Variants in TRAPPC9 observed in about 807,000 individuals in gnomAD.
TRAPPC9 encodes the protein IKK2 binding protein.
Under a neutral mutation model 124.0 loss-of-function variants are expected in TRAPPC9, and 83 were observed. The ratio of observed to expected loss-of-function variants is 0.67; its 90% CI spans 0.56 to 0.80. The LOEUF is 0.80. Among genes scored for constraint, TRAPPC9 ranks in the 30% least tolerant of loss-of-function variants. The pLI, the probability that TRAPPC9 is intolerant of heterozygous loss-of-function variation, is 0.00. For missense variants in TRAPPC9, 1,302 were observed against 1,508.3 expected (o/e 0.86, Z 2.27); for synonymous variants, 638 against 617.5 (o/e 1.03, Z -0.49).
At chr8:140,187,389 G>C (rs532023900) in intron 17 of TRAPPC9, among the ~76,000 whole-genome samples, 1 of 152,234 alleles carries the variant, frequency 6.6e-6, no homozygotes, top group Admixed American at 6.5e-5. Flanking sequence ...TCCAAAATTT[G>C]GGGTTTTCGG....
chr8:139,729,660 C>T lies in TRAPPC9; in HGVS notation c.*1401G>A, dbSNP rs1426954347. On this transcript the variant is annotated 3_prime_UTR_variant, in exon 23 of 23. Transcript: ENST00000438773. ...AATTTGTTCCTTAGGCCGGAGGCCA[C>T]AGGGTGACCTTGCTCCCAGCGAGGG... is the stretch of plus-strand genomic sequence containing the variant. Among the ~76,000 whole-genome samples the T allele has an allele frequency of 6.6e-6, 1 of 152,224 alleles. No homozygotes were observed. Among genetic ancestry groups the T allele is most frequent in the East Asian group, 1.9e-4 (1 of 5,186 alleles).
chr8:139,765,343 C>T (rs757398704), intron 21 of TRAPPC9, among the ~76,000 whole-genome samples: 4 of 152,242 alleles, frequency 2.6e-5, no homozygotes, highest in African/African-American at 4.8e-5. Context: ...TACAGGGTCA[C>T]TGACGCCCTC....
chr8:140,337,869 T>A (rs897172748), intron 9 of TRAPPC9, among the ~76,000 whole-genome samples: 1 of 151,776 alleles, frequency 6.6e-6, no homozygotes, highest in Non-Finnish European at 1.5e-5. Flanking sequence ...CCGGGCACCC[T>A]GTTGCCTGGT....
intron 21 of TRAPPC9, among the ~76,000 whole-genome samples, chr8:139,778,068 TA>T (rs1821520181): frequency 2.6e-5 from 4 of 152,038 alleles, no homozygotes; most frequent in African/African-American, 9.7e-5. Flanking sequence ...ACACTGAAAG[TA>T]CCCAAGGCTA....
intron 10 of TRAPPC9, among the ~76,000 whole-genome samples, chr8:140,302,209 C>T (rs762181995): frequency 6.6e-6 from 1 of 152,200 alleles, no homozygotes; most frequent in Non-Finnish European, 1.5e-5. Context: ...CTGCCACATG[C>T]GTGGTTCTCA....
chr8:139,861,670 GCC>G (rs1280927730), intron 21 of TRAPPC9, among the ~76,000 whole-genome samples: 2 of 152,164 alleles, frequency 1.3e-5, no homozygotes, highest in Non-Finnish European at 2.9e-5. Context: ...TTTTCCTTCT[GCC>G]CATTCTAGGC....
intron 17 of TRAPPC9, among the ~76,000 whole-genome samples, chr8:140,202,161 A>AT (rs942737592): frequency 7.0e-5 from 9 of 128,664 alleles, no homozygotes; most frequent in South Asian, 2.7e-4. Flanking sequence ...ATCTTCTGTA[A>AT]TTAAAAAAAA....
At chr8:140,269,038 C>T (rs1177599842) in intron 15 of TRAPPC9, among the ~76,000 whole-genome samples, 3 of 151,978 alleles carry the variant, frequency 2.0e-5, no homozygotes, top group Admixed American at 6.6e-5. Flanking sequence ...TCTGGGGTGG[C>T]GGAAACGTTC....
At position 140,311,283 on chromosome 8, in the gene TRAPPC9, C is replaced by A. The variant is rs776494234; in HGVS notation, c.1587G>T (p.Leu529=). 117 of 1,613,146 alleles carry A rather than the reference C, an allele frequency of 7.3e-5. No homozygotes were observed. The highest frequency in any genetic ancestry group is 9.4e-5 in the Non-Finnish European group (111 of 1,180,004). Reference sequence around the variant, plus strand: ...GAAGCTTGGTGAAGGGCACCGGTGGCAGGGTGAGGCCGCCAGGGAGGGCGA... The same window carrying A: ...GAAGCTTGGTGAAGGGCACCGGTGGAAGGGTGAGGCCGCCAGGGAGGGCGA... ...EPIALPGGLT[L]PPVPFTKLPI... is the part of the protein sequence containing the mutation. The change falls in exon 10 of 23, where the codon CTG becomes CTT. Residue 529 remains leucine, a synonymous_variant. Transcript: ENST00000438773.
intron 21 of TRAPPC9, among the ~76,000 whole-genome samples, chr8:139,796,904 C>T (rs1246158145): frequency 6.6e-6 from 1 of 152,210 alleles, no homozygotes; most frequent in African/African-American, 2.4e-5. Context: ...CTCAGCAACA[C>T]TTGTTACTAT....
intron 16 of TRAPPC9, among the ~76,000 whole-genome samples, chr8:140,247,631 C>A (rs756118170): frequency 6.6e-6 from 1 of 151,464 alleles, no homozygotes; most frequent in African/African-American, 2.4e-5. Flanking sequence ...CCATTGTTTC[C>A]GTTTCCTTCT....
In TRAPPC9 at chr8:139,825,960, T is replaced by C. The variant is rs969782003; in HGVS notation, c.3055+59919A>G. 3.9e-5 allele frequency among the ~76,000 whole-genome samples: 6 copies of C among 152,028 alleles called. No homozygotes were observed. The highest frequency in any genetic ancestry group is 2.0e-4 in the Admixed American group (3 of 15,260). On this transcript the variant is annotated intron_variant, in intron 21 of 22. Coordinates refer to ENST00000438773, the MANE Select transcript of TRAPPC9 (RefSeq NM_001160372.4). This position sits in a 1 kb window ranked among gnomAD's most constrained non-coding sequence, Gnocchi z 4.6. ...AACCCGCCCGTGGAACAGGCCATGA[T>C]GAGGATGTGCAACAGCAGGGGAGCT...
chr8:139,798,694 G>A (rs1823268329), intron 21 of TRAPPC9, among the ~76,000 whole-genome samples: 1 of 152,240 alleles, frequency 6.6e-6, no homozygotes, highest in South Asian at 2.1e-4. Context: ...CTCTTCTGAA[G>A]CTCAGGGTCC....
chr8:140,107,690 G>A (rs6994937), intron 17 of TRAPPC9, among the ~76,000 whole-genome samples: 103,497 of 152,064 alleles, frequency 0.68, 35,577 homozygotes, highest in East Asian at 0.86. Context: ...TACAGGCGAA[G>A]GCATGGAAAT....
intron 17 of TRAPPC9, among the ~76,000 whole-genome samples, chr8:140,068,387 G>T (rs1397230213): frequency 1.3e-5 from 2 of 152,128 alleles, no homozygotes; most frequent in Admixed American, 1.3e-4. Context: ...AATTAGACTT[G>T]CAGGGAACTG....
intron 9 of TRAPPC9, among the ~76,000 whole-genome samples, chr8:140,357,495 G>A (rs145702237): frequency 6.6e-6 from 1 of 152,166 alleles, no homozygotes; most frequent in East Asian, 1.9e-4. Context: ...CATGCCATGG[G>A]TCAGGGATGG....
chr8:140,225,550 C>A (rs940518701), intron 16 of TRAPPC9, among the ~76,000 whole-genome samples: 12 of 152,186 alleles, frequency 7.9e-5, no homozygotes, highest in Non-Finnish European at 1.2e-4. Flanking sequence ...AATCTCTCCA[C>A]GACACCATAA....
intron 11 of TRAPPC9, among the ~76,000 whole-genome samples, chr8:140,297,051 A>G (rs1397595058): frequency 6.6e-6 from 1 of 152,234 alleles, no homozygotes; most frequent in Non-Finnish European, 1.5e-5. Flanking sequence ...GAGTTCCCAC[A>G]GGAGGCCAGG....
intron 18 of TRAPPC9, among the ~76,000 whole-genome samples, chr8:140,003,608 A>C (rs1002154588): frequency 8.7e-6 from 1 of 114,566 alleles, no homozygotes; most frequent in African/African-American, 3.8e-5. Flanking sequence ...TCACAAAAAA[A>C]AAAAAAAAAA....
Sources: gnomAD v4.1 joint callset for allele counts (sites outside exome capture counted in the v4.1 genomes callset) on GRCh38, gnomAD v4.1.1 for gene constraint, Gnocchi (gnomAD v3.1) non-coding constraint, MANE v1.5 for transcripts, NCBI Gene and HGNC (gene_info 2026-07-23, HGNC 2026-07-21) for gene names.